Variants in MFN2 observed in about 807,000 individuals in gnomAD.
The protein encoded by MFN2 is mitofusin-2.
MFN2 carries 43 observed loss-of-function variants against 87.5 expected under a neutral mutation model. The ratio of observed to expected loss-of-function variants is 0.49; its 90% CI spans 0.38 to 0.63. The LOEUF (loss-of-function observed/expected upper bound fraction) is 0.63, where lower values mean the gene tolerates loss of function less well. MFN2 is among the 30% of genes least tolerant of loss of function. MFN2 has a pLI of 0.00. For missense variants in MFN2, 743 were observed against 972.8 expected (o/e 0.76, Z 3.14); for synonymous variants, 337 against 359.9 (o/e 0.94, Z 0.72).
At chr1:11,996,668 G>T (rs1638920489) in intron 5 of MFN2, among the ~76,000 whole-genome samples, 1 of 152,172 alleles carries the variant, frequency 6.6e-6, no homozygotes, top group Admixed American at 6.5e-5. Flanking sequence ...TGACCTATCA[G>T]TCAGGGACCG....
In MFN2 at chr1:12,004,221, A is replaced by G. The variant is rs1639302782; in HGVS notation, c.1287+103A>G. The G allele has an allele frequency of 5.4e-6, 8 of 1,494,756 alleles. No individual in the cohort carries two copies. The highest frequency in any genetic ancestry group is 7.4e-6 in the Non-Finnish European group (8 of 1,088,134). The allele number at this position is 1,494,756 out of a possible 1,614,324, so 92.6% of individuals were successfully genotyped here. On this transcript the variant is annotated intron_variant, in intron 12 of 18. Coordinates refer to ENST00000235329, the MANE Select transcript of MFN2 (RefSeq NM_014874.4). This position sits in a 1 kb window ranked among gnomAD's most constrained non-coding sequence, Gnocchi z 4.2. ...TAGGGACTTCTCAGCCTTTCAGAAG[A>G]AAGTTGTGGCCCTGTTTCAAGAATA... is the stretch of plus-strand genomic sequence containing the variant.
chr1:11,996,664 ATCAG>A (rs1324328761), intron 5 of MFN2, among the ~76,000 whole-genome samples: 2 of 152,124 alleles, frequency 1.3e-5, no homozygotes, highest in African/African-American at 2.4e-5. Context: ...TCTCTGACCT[ATCAG>A]TCAGGGACCG....
At chr1:12,009,450 C>A in intron 17 of MFN2, 142 bp from the exon 18 acceptor site, 1 of 1,171,810 alleles carries the variant, frequency 8.5e-7, no homozygotes, top group South Asian at 1.2e-5. Flanking sequence ...GTAGGAGATT[C>A]TGCCAAACCA....
intron 17 of MFN2, among the ~76,000 whole-genome samples, chr1:12,008,984 G>A (rs1231893686): frequency 2.0e-5 from 3 of 152,226 alleles, no homozygotes; most frequent in Admixed American, 1.3e-4. Context: ...GATCACTGCC[G>A]GTTAGGAGCT....
rs560257610 is a variant in MFN2, at chr1:11,990,672, G to A, written c.175+1329G>A. Among the ~76,000 whole-genome samples the A allele has an allele frequency of 3.9e-5, 6 of 152,324 alleles. No homozygotes were observed. In the East Asian group the frequency reaches 9.6e-4, roughly 24 times the overall value. ...GTGATCCTGAGCTGTGCTGGGTCAG[G>A]GAAAGAATGGTTCCTGCCTGGGCAC... On this transcript the variant is annotated intron_variant, in intron 3 of 18. Coordinates refer to ENST00000235329, the MANE Select transcript of MFN2 (RefSeq NM_014874.4).
In MFN2 at chr1:12,006,619, A is replaced by G. The variant is rs1639430336; in HGVS notation, c.1798A>G (p.Met600Val). The change falls in exon 16 of 19, where the codon ATG (methionine) becomes GTG (valine). Residue 600 changes from methionine (M) to valine (V), a missense_variant. Met to Val is a conservative substitution (Grantham distance 21). This residue lies in a region of MFN2 where 571 missense variants were observed against 670.7 expected (regional missense o/e 0.85). Transcript: ENST00000235329. ...PQGSLTQEEF[M>V]VSMVTGLASL... ...GGGCTCGCTCACCCAGGAGGAGTTC[A>G]TGGTTTCCATGGTTACCGGCCTGGC... The G allele has an allele frequency of 6.2e-7, 1 of 1,613,914 alleles. No individual in the cohort carries two copies. The highest frequency in any genetic ancestry group is 8.5e-7 in the Non-Finnish European group (1 of 1,179,942).
At chr1:11,991,907 G>A (rs1638695101) in intron 3 of MFN2, among the ~76,000 whole-genome samples, 1 of 98,064 alleles carries the variant, frequency 1.0e-5, no homozygotes, top group African/African-American at 4.0e-5. Context: ...CTGGGCGACA[G>A]AGCGAGACTC....
chr1:11,998,699 G>A, intron 6 of MFN2, 71 bp from the exon 7 acceptor site: 1 of 1,412,440 alleles, frequency 7.1e-7, no homozygotes, highest in South Asian at 1.2e-5. Flanking sequence ...ACAAGTCCCA[G>A]GTCTGTTCTC....
chr1:11,997,879 CTTTTTT>C (rs768355266), intron 6 of MFN2, among the ~76,000 whole-genome samples: 1 of 95,836 alleles, frequency 1.0e-5, no homozygotes, highest in Non-Finnish European at 1.9e-5. Flanking sequence ...TGTATATCAT[CTTTTTT>C]TTTTTTTTTT....
chr1:11,998,674 T>C (rs1639036374), intron 6 of MFN2, 96 bp from the exon 7 acceptor site: 2 of 1,126,504 alleles, frequency 1.8e-6, no homozygotes, highest in Non-Finnish European at 2.7e-6. Flanking sequence ...TTCTCCTCCA[T>C]GACCTGCCTG....
chr1:11,988,077 A>G (rs893281558), intron 2 of MFN2, among the ~76,000 whole-genome samples: 2 of 92,276 alleles, frequency 2.2e-5, no homozygotes, highest in Non-Finnish European at 4.6e-5. Flanking sequence ...AAATAGACCA[A>G]TAGTTTTTGT....
rs1639312458 is a variant in MFN2 at position 12,004,425 on chromosome 1, C to T, written c.1288-84C>T. The stretch of plus-strand genomic sequence containing the variant: ...CTGCTGGTTTGAGAGGAAGGATGTG[C>T]CATCTGCTAGGATCTCTCCTGGTGC... On this transcript the variant is annotated intron_variant, in intron 12 of 18. Coordinates refer to ENST00000235329, the MANE Select transcript of MFN2 (RefSeq NM_014874.4). This position sits in a 1 kb window ranked among gnomAD's most constrained non-coding sequence, Gnocchi z 4.2. The T allele has an allele frequency of 1.7e-6, 2 of 1,188,266 alleles. No individual in the cohort carries two copies. The highest frequency in any genetic ancestry group is 2.5e-6 in the Non-Finnish European group (2 of 792,498). The allele number at this position is 1,188,266 out of a possible 1,614,324, so 73.6% of individuals were successfully genotyped here. A position where few individuals can be genotyped will look rare whatever the true frequency, so the allele number is the denominator to read the frequency against.
At chr1:11,994,965 G>T (rs1356623076) in intron 4 of MFN2, among the ~76,000 whole-genome samples, 5 of 152,138 alleles carry the variant, frequency 3.3e-5, no homozygotes, top group Admixed American at 3.3e-4. Context: ...CAGAAATGGT[G>T]GGGTGCAGTG....
chr1:12,006,643 G>T lies in MFN2; in HGVS notation c.1822G>T (p.Ala608Ser). 1 of 1,614,118 alleles carries T rather than the reference G, an allele frequency of 6.2e-7. No homozygotes were observed. The highest frequency in any genetic ancestry group is 1.7e-5 in the Admixed American group (1 of 60,006). Reference sequence around the variant, plus strand: ...CATGGTTTCCATGGTTACCGGCCTGGCCTCCTTGACATCCAGGACCTCCAT... The same window carrying T: ...CATGGTTTCCATGGTTACCGGCCTGTCCTCCTTGACATCCAGGACCTCCAT... Reference protein sequence around the residue: ...EFMVSMVTGLASLTSRTSMGI... With the variant: ...EFMVSMVTGLSSLTSRTSMGI... Residue 608 changes from alanine (A) to serine (S), a missense_variant, in exon 16 of 19, where the codon GCC becomes TCC. Transcript: ENST00000235329.
intron 2 of MFN2, among the ~76,000 whole-genome samples, 159 bp downstream of exon 2, chr1:11,982,273 C>G (rs1348784968): frequency 6.6e-6 from 1 of 152,162 alleles, no homozygotes; most frequent in African/African-American, 2.4e-5. Flanking sequence ...TCTTTTACTT[C>G]CGTGAAGGAT....
intron 3 of MFN2, chr1:11,992,334 A>G (rs1323827695): frequency 1.3e-5 from 8 of 602,300 alleles, no homozygotes; most frequent in Non-Finnish European, 2.4e-5. Context: ...AGAAAGTGGT[A>G]AGAACCAGCT....
chr1:11,993,161 C>A (rs1392860594), intron 4 of MFN2, among the ~76,000 whole-genome samples: 1 of 151,558 alleles, frequency 6.6e-6, no homozygotes, highest in African/African-American at 2.4e-5. Flanking sequence ...CTTGCCCTGG[C>A]CACCACCATT....
chr1:11,990,296 C>T lies in MFN2; in HGVS notation c.175+953C>T, dbSNP rs183771312. 5.3e-5 allele frequency among the ~76,000 whole-genome samples: 8 copies of T among 152,338 alleles called. No individual in the cohort carries two copies. In the Middle Eastern group the frequency reaches 0.01, roughly 194 times the overall value. Reference sequence around the variant, plus strand: ...CATCTGTGCCCTGCCCTTTGCGTGGCGCTTGATGCCACAGAAGGTGTTTCC... The same window carrying T: ...CATCTGTGCCCTGCCCTTTGCGTGGTGCTTGATGCCACAGAAGGTGTTTCC... On this transcript the variant is annotated intron_variant, in intron 3 of 18. Transcript: ENST00000235329.
intron 2 of MFN2, among the ~76,000 whole-genome samples, chr1:11,987,669 C>G (rs1329240773): frequency 6.6e-6 from 1 of 150,738 alleles, no homozygotes; most frequent in Non-Finnish European, 1.5e-5. Flanking sequence ...CATGGTGGCT[C>G]ACGCCTTTAA....
Sources: allele counts gnomAD v4.1 joint callset (sites outside exome capture counted in the v4.1 genomes callset), GRCh38; gene constraint gnomAD v4.1.1; regional missense constraint gnomAD v4.1.1; non-coding constraint Gnocchi (gnomAD v3.1); transcripts MANE v1.5; gene names NCBI Gene and HGNC (gene_info 2026-07-23, HGNC 2026-07-21).